The following DAP variants were observed in gnomAD, a reference collection of about 807,000 sequenced individuals.
DAP encodes the protein death-associated protein 1.
Under a neutral mutation model 13.8 loss-of-function variants are expected in DAP, and 8 were observed. The ratio of observed to expected loss-of-function variants is 0.58; its 90% CI spans 0.34 to 1.05. The LOEUF (loss-of-function observed/expected upper bound fraction) is 1.05, where lower values mean the gene tolerates loss of function less well. DAP is among the 50% of genes least tolerant of loss of function. DAP has a pLI of 0.03. For missense variants in DAP, 106 were observed against 133.2 expected, an observed-to-expected ratio of 0.80 and a Z score of 1.01; for synonymous variants, 47 against 47.5, an observed-to-expected ratio of 0.99 and a Z score of 0.04.
chr5:10,740,421 C>A (rs1739727265), intron 2 of DAP, among the ~76,000 whole-genome samples: 1 of 152,106 alleles, frequency 6.6e-6, no homozygotes, highest in South Asian at 2.1e-4. Flanking sequence ...GACACCAAAC[C>A]ATAGATAAAA....
intron 3 of DAP, among the ~76,000 whole-genome samples, chr5:10,682,909 C>T (rs141551768): frequency 5.3e-5 from 8 of 152,230 alleles, no homozygotes; most frequent in African/African-American, 1.9e-4. Context: ...GCCACCACAG[C>T]TGTGAGCCAG....
chr5:10,719,488 T>C (rs1340546668), intron 2 of DAP, among the ~76,000 whole-genome samples: 2 of 152,226 alleles, frequency 1.3e-5, no homozygotes, highest in African/African-American at 4.8e-5. Flanking sequence ...TGCCATCTTC[T>C]GCAGATAACT....
intron 2 of DAP, among the ~76,000 whole-genome samples, chr5:10,708,315 C>G (rs1031267689): frequency 2.0e-5 from 3 of 151,746 alleles, no homozygotes; most frequent in East Asian, 3.9e-4. Context: ...TAGAGACACA[C>G]AGACACAGAC....
chr5:10,694,374 C>G (rs1309940430), intron 2 of DAP, among the ~76,000 whole-genome samples: 1 of 147,296 alleles, frequency 6.8e-6, no homozygotes, highest in African/African-American at 2.6e-5. Flanking sequence ...TTAGGTGACT[C>G]TATATATGTG....
At chr5:10,739,958 C>G (rs1739716128) in intron 2 of DAP, among the ~76,000 whole-genome samples, 1 of 152,052 alleles carries the variant, frequency 6.6e-6, no homozygotes, top group African/African-American at 2.4e-5. Context: ...AAAAGACCCT[C>G]GAAGAAGTGA....
chr5:10,722,524 ATACATG>A (rs1739169973), intron 2 of DAP, among the ~76,000 whole-genome samples: 1 of 144,282 alleles, frequency 6.9e-6, no homozygotes, highest in Non-Finnish European at 1.5e-5. Flanking sequence ...ACATATACAT[ATACATG>A]CATATATATA....
chr5:10,728,088 T>A (rs892517360), intron 2 of DAP, among the ~76,000 whole-genome samples: 2 of 151,370 alleles, frequency 1.3e-5, no homozygotes, highest in African/African-American at 4.9e-5. Flanking sequence ...AACCCACAGA[T>A]ACAGAAGGCT....
chr5:10,754,735 C>T (rs187475246), intron 1 of DAP, among the ~76,000 whole-genome samples: 202 of 152,268 alleles, frequency 1.3e-3, no homozygotes, highest in African/African-American at 3.9e-3. Context: ...AAAGTAGGAT[C>T]GGCTGCCTGG....
chr5:10,757,262 C>A (rs908383787), intron 1 of DAP, among the ~76,000 whole-genome samples: 6 of 152,062 alleles, frequency 3.9e-5, no homozygotes, highest in African/African-American at 1.4e-4. Flanking sequence ...AACAGACACT[C>A]CAAACAATTG....
chr5:10,716,302 G>C (rs1365498669), intron 2 of DAP, among the ~76,000 whole-genome samples: 3 of 152,196 alleles, frequency 2.0e-5, no homozygotes, highest in Non-Finnish European at 4.4e-5. Flanking sequence ...CTATCGTGCA[G>C]AGTAAACTCC....
intron 2 of DAP, among the ~76,000 whole-genome samples, chr5:10,706,480 C>T (rs573702542): frequency 6.6e-6 from 1 of 152,342 alleles, no homozygotes; most frequent in African/African-American, 2.4e-5. Context: ...CTCCTAACTG[C>T]AGCTGATGCT....
At chr5:10,684,185 T>C (rs889248097) in intron 2 of DAP, among the ~76,000 whole-genome samples, 15 of 152,190 alleles carry the variant, frequency 9.9e-5, no homozygotes, top group Admixed American at 3.3e-4. Context: ...TTATTTGGAT[T>C]TAATGAGATC....
chr5:10,732,566 A>G (rs1272308164), intron 2 of DAP, among the ~76,000 whole-genome samples: 1 of 152,160 alleles, frequency 6.6e-6, no homozygotes, highest in Non-Finnish European at 1.5e-5. Context: ...TTCTCCACTC[A>G]TTGGCTGATG....
At chr5:10,709,265 G>A (rs1424650242) in intron 2 of DAP, among the ~76,000 whole-genome samples, 1 of 152,246 alleles carries the variant, frequency 6.6e-6, no homozygotes, top group Non-Finnish European at 1.5e-5. Context: ...TTCAGGACGT[G>A]TACATGCATT....
chr5:10,737,243 G>T (rs1014004216), intron 2 of DAP, among the ~76,000 whole-genome samples: 1 of 152,026 alleles, frequency 6.6e-6, no homozygotes, highest in African/African-American at 2.4e-5. Flanking sequence ...CTACTCGGGA[G>T]GCTGAGGCAG....
intron 2 of DAP, among the ~76,000 whole-genome samples, chr5:10,727,873 T>C (rs1309208478): frequency 1.3e-5 from 2 of 152,238 alleles, no homozygotes; most frequent in Non-Finnish European, 2.9e-5. Flanking sequence ...TCCTCCCATA[T>C]ACTTTAAATC....
intron 1 of DAP, 118 bp from the exon 2 acceptor site, chr5:10,748,389 G>C: frequency 1.3e-6 from 1 of 765,498 alleles, no homozygotes; most frequent in South Asian, 1.5e-5. Context: ...GGAGAATCTG[G>C]CAATGAAAAT....
At chr5:10,683,787 A>G (rs1738091575) in intron 2 of DAP, among the ~76,000 whole-genome samples, 1 of 152,140 alleles carries the variant, frequency 6.6e-6, no homozygotes, top group Non-Finnish European at 1.5e-5. Context: ...ACGAGAGAGA[A>G]ACAGACTGCA....
intron 2 of DAP, among the ~76,000 whole-genome samples, chr5:10,737,655 T>C (rs1196794335): frequency 6.6e-6 from 1 of 152,262 alleles, no homozygotes; most frequent in Admixed American, 6.5e-5. Flanking sequence ...GGCCATCTTT[T>C]AACTGAAGTT....
Sources: gnomAD v4.1 joint callset for allele counts (sites outside exome capture counted in the v4.1 genomes callset) on GRCh38, gnomAD v4.1.1 for gene constraint, MANE v1.5 for transcripts, NCBI Gene and HGNC (gene_info 2026-07-23, HGNC 2026-07-21) for gene names.